Variants in IL1RAPL1 observed in about 807,000 individuals in gnomAD.
The protein encoded by IL1RAPL1 is interleukin-1 receptor accessory protein-like 1.
IL1RAPL1 carries 3 observed loss-of-function variants against 48.4 expected under a neutral mutation model. The observed-to-expected ratio is 0.06, with a 90% CI of 0.03 to 0.16. The LOEUF is 0.16. Among genes scored for constraint, IL1RAPL1 ranks in the 10% least tolerant of loss-of-function variants. The pLI, the probability that IL1RAPL1 is intolerant of heterozygous loss-of-function variation, is 1.00. For synonymous variants in IL1RAPL1, 185 were observed against 187.7 expected (o/e 0.99, Z 0.12); for missense variants, 349 against 530.6 (o/e 0.66, Z 3.36).
rs145504854 is a variant in IL1RAPL1 at position 29,507,485 on chromosome X, C to G, written c.703+108177C>G. Among the ~76,000 whole-genome samples the G allele has an allele frequency of 8.5e-3, 727 of 85,501 alleles. 6 individuals are homozygous for G. The highest frequency in any genetic ancestry group is 0.013 in the Non-Finnish European group (592 of 44,456). The allele number at this position is 85,501 out of a possible 115,157, so 74.2% of individuals were successfully genotyped here. A position where few individuals can be genotyped will look rare whatever the true frequency, so the allele number is the denominator to read the frequency against. On this transcript the variant is annotated intron_variant, in intron 5 of 10. Coordinates refer to ENST00000378993, the MANE Select transcript of IL1RAPL1 (RefSeq NM_014271.4). Reference sequence around the variant, plus strand: ...AGTGGCTCAATCATGGCTCACTGCACCCTTGACCTCCCGGGCTCAGGCAGT... The same window carrying G: ...AGTGGCTCAATCATGGCTCACTGCAGCCTTGACCTCCCGGGCTCAGGCAGT...
chrX:29,953,511 A>G (rs1933355294), intron 9 of IL1RAPL1, among the ~76,000 whole-genome samples: 1 of 111,992 alleles, frequency 8.9e-6, no homozygotes, highest in South Asian at 3.7e-4. Context: ...GTAAGGAGAG[A>G]AATGAGATTT....
At chrX:28,971,912 G>A (rs10453775) in intron 2 of IL1RAPL1, among the ~76,000 whole-genome samples, 18 of 108,826 alleles carry the variant, frequency 1.7e-4, no homozygotes, top group African/African-American at 5.4e-4. Flanking sequence ...GTGTGTGTGT[G>A]TGTGTATTTC....
At chrX:29,248,771 C>T (rs1931559693) in intron 2 of IL1RAPL1, among the ~76,000 whole-genome samples, 1 of 112,008 alleles carries the variant, frequency 8.9e-6, no homozygotes, top group Non-Finnish European at 1.9e-5. Context: ...CAAAATGATG[C>T]ATATTCTTTA....
At chrX:29,238,762 C>G (rs1361969901) in intron 2 of IL1RAPL1, among the ~76,000 whole-genome samples, 1 of 111,976 alleles carries the variant, frequency 8.9e-6, no homozygotes, top group African/African-American at 3.2e-5. Flanking sequence ...TATCACAAAC[C>G]TAAAGTTACC....
At chrX:29,712,873 G>A (rs1927388297) in intron 6 of IL1RAPL1, among the ~76,000 whole-genome samples, 1 of 112,174 alleles carries the variant, frequency 8.9e-6, no homozygotes, top group African/African-American at 3.2e-5. Flanking sequence ...GATAAATCTG[G>A]TGCAATGGAC....
intron 5 of IL1RAPL1, among the ~76,000 whole-genome samples, chrX:29,411,295 G>A (rs953747382): frequency 1.8e-5 from 2 of 111,959 alleles, no homozygotes; most frequent in African/African-American, 6.5e-5. Flanking sequence ...CTAAAATGAT[G>A]GGTCACATTT....
At chrX:29,764,331 C>G (rs761648960) in intron 6 of IL1RAPL1, among the ~76,000 whole-genome samples, 1 of 111,313 alleles carries the variant, frequency 9.0e-6, no homozygotes, top group African/African-American at 3.3e-5. Flanking sequence ...GATATGCAGA[C>G]GATTGCTTTA....
chrX:29,135,116 T>C (rs192017031), intron 2 of IL1RAPL1, among the ~76,000 whole-genome samples: 84 of 111,955 alleles, frequency 7.5e-4, no homozygotes, highest in African/African-American at 2.4e-3. Flanking sequence ...AAAGTTAAGA[T>C]CCAATAATGT....
At chrX:28,752,933 A>C (rs764492997) in intron 1 of IL1RAPL1, among the ~76,000 whole-genome samples, 5 of 112,552 alleles carry the variant, frequency 4.4e-5, no homozygotes, top group Non-Finnish European at 7.5e-5. Flanking sequence ...AGGTTTACTT[A>C]TGTTTAGCAT....
chrX:28,726,357 T>A (rs1320054240), intron 1 of IL1RAPL1, among the ~76,000 whole-genome samples: 1 of 112,465 alleles, frequency 8.9e-6, no homozygotes, highest in African/African-American at 3.2e-5. Flanking sequence ...CACACACTAC[T>A]TGATTATTAA....
At chrX:29,894,118 C>T (rs1298999978) in intron 6 of IL1RAPL1, among the ~76,000 whole-genome samples, 2 of 111,980 alleles carry the variant, frequency 1.8e-5, no homozygotes, top group African/African-American at 6.5e-5. Context: ...TTGTTTTACA[C>T]AAAATAGTTA....
intron 2 of IL1RAPL1, among the ~76,000 whole-genome samples, chrX:29,147,889 C>G (rs1410776127): frequency 9.0e-6 from 1 of 111,701 alleles, no homozygotes; most frequent in Non-Finnish European, 1.9e-5. Flanking sequence ...AGGGGCAATA[C>G]AGTACTGTTT....
At chrX:29,317,941 A>G (rs895926759) in intron 3 of IL1RAPL1, among the ~76,000 whole-genome samples, 1 of 111,994 alleles carries the variant, frequency 8.9e-6, no homozygotes, top group Non-Finnish European at 1.9e-5. Flanking sequence ...ATTTGAGAAA[A>G]CAAGCTTGGG....
At chrX:29,731,144 A>T (rs1426654885) in intron 6 of IL1RAPL1, among the ~76,000 whole-genome samples, 3 of 112,084 alleles carry the variant, frequency 2.7e-5, no homozygotes, top group African/African-American at 9.7e-5. Context: ...TGTTAAGCCC[A>T]TGTTGTCAGG....
At chrX:28,843,137 C>T (rs1670057960) in intron 2 of IL1RAPL1, among the ~76,000 whole-genome samples, 1 of 109,868 alleles carries the variant, frequency 9.1e-6, no homozygotes, top group Non-Finnish European at 1.9e-5. Context: ...TTATTTATTT[C>T]TGTCTTATAA....
chrX:29,741,044 T>C (rs2147135422), intron 6 of IL1RAPL1, among the ~76,000 whole-genome samples: 1 of 112,194 alleles, frequency 8.9e-6, no homozygotes, highest in Non-Finnish European at 1.9e-5. Flanking sequence ...TATACAAAAA[T>C]AGTCTAAAGG....
chrX:29,918,236 TTTA>T (rs1479996027), intron 7 of IL1RAPL1, among the ~76,000 whole-genome samples: 2 of 75,317 alleles, frequency 2.7e-5, no homozygotes, highest in African/African-American at 5.8e-5. Flanking sequence ...AGACCTTTTT[TTTA>T]AAAAAAAAAA....
chrX:29,069,790 C>G (rs1252831133), intron 2 of IL1RAPL1, among the ~76,000 whole-genome samples: 7 of 111,513 alleles, frequency 6.3e-5, no homozygotes, highest in Admixed American at 4.8e-4. Flanking sequence ...CTTTTGTTCC[C>G]AAGATGTAAG....
intron 9 of IL1RAPL1, among the ~76,000 whole-genome samples, chrX:29,946,556 A>G (rs925612544): frequency 1.8e-5 from 2 of 112,419 alleles, no homozygotes; most frequent in Non-Finnish European, 3.8e-5. Context: ...GTTTGGATAA[A>G]TTCTGCCAGA....
Sources: gnomAD v4.1 joint callset for allele counts (sites outside exome capture counted in the v4.1 genomes callset) on GRCh38, gnomAD v4.1.1 for gene constraint, MANE v1.5 for transcripts, NCBI Gene and HGNC (gene_info 2026-07-23, HGNC 2026-07-21) for gene names.